The following SIK3 variants were observed in gnomAD, a reference collection of about 807,000 sequenced individuals.
The protein encoded by SIK3 is SIK family kinase 3.
In SIK3, 28 loss-of-function variants were observed where a neutral mutation model predicts 144.2. That is an observed-to-expected ratio of 0.19 (90% CI 0.14 to 0.27). The LOEUF (loss-of-function observed/expected upper bound fraction) is 0.27. SIK3 is among the 10% of genes least tolerant of loss of function. The pLI is 1.00. For synonymous variants in SIK3, 686 were observed against 676.3 expected (o/e 1.01, Z -0.22); for missense variants, 1,319 against 1,776.0 (o/e 0.74, Z 4.62).
chr11:116,853,326 G>A (rs374055285), intron 21 of SIK3, among the ~76,000 whole-genome samples: 1 of 152,184 alleles, frequency 6.6e-6, no homozygotes, highest in Non-Finnish European at 1.5e-5. Flanking sequence ...TGACATTCAG[G>A]ATCAAATCTT....
chr11:116,979,231 T>G (rs1950057142), intron 1 of SIK3, among the ~76,000 whole-genome samples: 1 of 152,202 alleles, frequency 6.6e-6, no homozygotes, highest in African/African-American at 2.4e-5. Flanking sequence ...CTTGCCATTT[T>G]AATTTGCATT....
chr11:116,927,461 G>A, intron 3 of SIK3, 81 bp from the exon 4 acceptor site: 1 of 1,411,832 alleles, frequency 7.1e-7, no homozygotes, highest in Non-Finnish European at 9.8e-7. Context: ...AGGGCTACAA[G>A]GGGCCCTCTC....
At chr11:116,853,684 T>C (rs1002861987) in intron 21 of SIK3, among the ~76,000 whole-genome samples, 4 of 152,264 alleles carry the variant, frequency 2.6e-5, no homozygotes, top group African/African-American at 9.6e-5. Flanking sequence ...TTTACTGCTC[T>C]ATGAGGCCTG....
intron 4 of SIK3, among the ~76,000 whole-genome samples, chr11:116,925,151 C>T (rs537548318): frequency 1.3e-5 from 2 of 151,910 alleles, no homozygotes; most frequent in South Asian, 2.1e-4. Context: ...CATAGAAGCG[C>T]GCACCTGTAG....
At chr11:116,868,766 T>C (rs1267453706) in intron 14 of SIK3, 1 of 152,204 alleles carries the variant, frequency 6.6e-6, no homozygotes, top group East Asian at 1.9e-4. Context: ...AGGCAAAAAA[T>C]AAAAACAGAA....
At chr11:117,091,783 CT>C (rs1260268902) in intron 1 of SIK3, among the ~76,000 whole-genome samples, 1 of 152,076 alleles carries the variant, frequency 6.6e-6, no homozygotes, top group Non-Finnish European at 1.5e-5. Context: ...TGCTGTTTTT[CT>C]TTTGGTTTGT....
At chr11:116,910,164 C>T (rs1326171892) in intron 4 of SIK3, among the ~76,000 whole-genome samples, 1 of 152,058 alleles carries the variant, frequency 6.6e-6, no homozygotes, top group Non-Finnish European at 1.5e-5. Context: ...CTAGTATACA[C>T]TACATATAAT....
At chr11:116,912,872 T>C (rs182869872) in intron 4 of SIK3, among the ~76,000 whole-genome samples, 1 of 152,338 alleles carries the variant, frequency 6.6e-6, no homozygotes, top group African/African-American at 2.4e-5. Flanking sequence ...GAAATGTTGC[T>C]GCTAGAAATG....
intron 1 of SIK3, among the ~76,000 whole-genome samples, chr11:117,071,782 A>ATT (rs57735255): frequency 0.13 from 13,220 of 105,442 alleles, 993 homozygotes; most frequent in Admixed American, 0.15. Context: ...TGCTTGGTTA[A>ATT]TTTTTTTTTT....
At chr11:117,086,427 C>G (rs2134047859) in intron 1 of SIK3, among the ~76,000 whole-genome samples, 1 of 152,348 alleles carries the variant, frequency 6.6e-6, no homozygotes, top group African/African-American at 2.4e-5. Flanking sequence ...TGCAGTGGCT[C>G]ACGCCTATAA....
intron 3 of SIK3, among the ~76,000 whole-genome samples, chr11:116,943,777 G>C (rs1948436995): frequency 6.6e-6 from 1 of 151,816 alleles, no homozygotes. Context: ...ACTTGTCTTT[G>C]CTTGACATTA....
chr11:116,893,863 G>C (rs979827424), intron 6 of SIK3: 2 of 162,782 alleles, frequency 1.2e-5, no homozygotes, highest in African/African-American at 4.8e-5. Context: ...AAACTGGAAA[G>C]AGCGTGTCGT....
intron 1 of SIK3, among the ~76,000 whole-genome samples, chr11:117,097,173 AT>A (rs1955511456): frequency 6.6e-6 from 1 of 152,270 alleles, no homozygotes; most frequent in East Asian, 1.9e-4. Context: ...ATGCATACAT[AT>A]ATAGCTTCCT....
intron 1 of SIK3, among the ~76,000 whole-genome samples, chr11:117,001,695 A>G (rs906644477): frequency 6.6e-6 from 1 of 152,002 alleles, no homozygotes; most frequent in Non-Finnish European, 1.5e-5. Context: ...GCCTCAAACG[A>G]TTCTCCCACC....
Position 116,867,994 on chromosome 11 carries a change from G to A in SIK3, c.1904C>T (p.Pro635Leu). Residue 635 changes from proline (P) to leucine (L), a missense_variant, in exon 15 of 25, where the codon CCT becomes CTT. Coordinates refer to ENST00000445177, the MANE Select transcript of SIK3 (RefSeq NM_001366686.3). This position sits in a 1 kb window ranked among gnomAD's most constrained non-coding sequence, Gnocchi z 4.1. ...PDLQRQLGQQ[P>L]FRSRVWPPHL... ...AGGAGGCCAGACCCGGGAACGGAAA[G>A]GCTGCTGTCCTAGCTGCCGTTGTAG... 1.3e-6 allele frequency: 2 copies of A among 1,550,422 alleles called. No individual in the cohort carries two copies. Among genetic ancestry groups the A allele is most frequent in the Non-Finnish European group, 1.7e-6 (2 of 1,146,858 alleles).
intron 3 of SIK3, among the ~76,000 whole-genome samples, chr11:116,953,151 T>G (rs1466963225): frequency 3.3e-5 from 5 of 152,148 alleles, no homozygotes; most frequent in Non-Finnish European, 7.4e-5. Context: ...TAGTCATTAA[T>G]AAGAAGATTC....
chr11:116,904,900 T>C (rs1591285332), intron 4 of SIK3: 1 of 167,074 alleles, frequency 6.0e-6, no homozygotes, highest in Non-Finnish European at 1.5e-5. Context: ...TTGTATTCCA[T>C]ATCCCATACA....
chr11:117,043,991 T>C (rs1321680617), intron 1 of SIK3, among the ~76,000 whole-genome samples: 1 of 152,222 alleles, frequency 6.6e-6, no homozygotes, highest in African/African-American at 2.4e-5. Flanking sequence ...TAGCAAATAT[T>C]AGTAATGTTC....
intron 1 of SIK3, among the ~76,000 whole-genome samples, chr11:117,047,673 G>A (rs1232168037): frequency 1.3e-5 from 2 of 152,140 alleles, no homozygotes; most frequent in East Asian, 3.9e-4. Context: ...GCCAGATGTG[G>A]TGGCTCATGC....
Sources: allele counts gnomAD v4.1 joint callset (sites outside exome capture counted in the v4.1 genomes callset), GRCh38; gene constraint gnomAD v4.1.1; non-coding constraint Gnocchi (gnomAD v3.1); transcripts MANE v1.5; gene names NCBI Gene and HGNC (gene_info 2026-07-23, HGNC 2026-07-21).